The following MAGOHB variants were observed in gnomAD, a reference collection of about 807,000 sequenced individuals.
The protein encoded by MAGOHB is mago homolog B, exon junction complex subunit.
A neutral mutation model predicts 20.9 loss-of-function variants in MAGOHB; 15 were observed. That is an observed-to-expected ratio of 0.72 (90% CI 0.48 to 1.11). The LOEUF (loss-of-function observed/expected upper bound fraction) is 1.11, where lower values mean the gene tolerates loss of function less well. Ranked by LOEUF, MAGOHB falls within the 50% of genes least tolerant of loss-of-function variation. MAGOHB has a pLI of 0.00. For synonymous variants in MAGOHB, 50 were observed against 57.9 expected, an observed-to-expected ratio of 0.86 and a Z score of 0.62; for missense variants, 162 against 177.6, an observed-to-expected ratio of 0.91 and a Z score of 0.50.
downstream of MAGOHB, among the ~76,000 whole-genome samples, chr12:10,603,680 C>CCAGAGATT (rs1367180836): frequency 5.9e-5 from 9 of 152,174 alleles, no homozygotes; most frequent in East Asian, 1.7e-3. Context: ...AAGGTAGATG[C>CCAGAGATT]CAGAGATTTT....
In MAGOHB at chr12:10,610,575, TGC is replaced by T. The variant is rs1456003983; in HGVS notation, c.153+45_153+46del. On this transcript the variant is annotated intron_variant, in intron 2 of 4. Transcript: ENST00000320756. ...ACAGACTTGAAGAAAATGGGCTAAA[TGC>T]AAAAAAAAAAAAAAAAAAAAAAAAG... The T allele has an allele frequency of 1.3e-4, 156 of 1,204,746 alleles. No homozygotes were observed. In the African/African-American group the frequency reaches 4.0e-3, roughly 31 times the overall value. 74.6% of individuals were successfully genotyped at this position (1,204,746 alleles called of 1,614,324 possible).
intron 1 of MAGOHB, among the ~76,000 whole-genome samples, chr12:10,613,192 C>T (rs918946305): frequency 1.3e-5 from 2 of 152,122 alleles, no homozygotes; most frequent in East Asian, 1.9e-4. Flanking sequence ...TCTAGAGTCC[C>T]TTCTGGTGCA....
chr12:10,603,239 C>T (rs536641892), downstream of MAGOHB, among the ~76,000 whole-genome samples: 7 of 150,004 alleles, frequency 4.7e-5, no homozygotes, highest in East Asian at 3.9e-4. Flanking sequence ...GCATGAACCC[C>T]GGAGGCGGAG....
chr12:10,610,454 G>T (rs1000990070), intron 2 of MAGOHB, among the ~76,000 whole-genome samples, 168 bp downstream of exon 2: 34 of 151,894 alleles, frequency 2.2e-4, no homozygotes, highest in African/African-American at 8.0e-4. Context: ...TCCTATGGAT[G>T]CAAACACTGT....
At position 10,609,912 on chromosome 12, in the gene MAGOHB, T is replaced by C; in HGVS notation, c.183A>G (p.Glu61=). The stretch of plus-strand genomic sequence containing the variant: ...CACTGTCATCAATAATTCTCTTCAG[T>C]TCTTCCATTACACTCTTGTGCACAT... ...EAYVHKSVME[E]LKRIIDDSEI... Residue 61 remains glutamate, a synonymous_variant, in exon 3 of 5, where the codon GAA becomes GAG. Transcript: ENST00000320756. 6.2e-7 allele frequency: 1 copy of C among 1,611,190 alleles called. No individual in the cohort carries two copies. The highest frequency in any genetic ancestry group is 1.7e-5 in the Admixed American group (1 of 59,726).
At chr12:10,601,006 C>T (rs891500832), downstream of MAGOHB, among the ~76,000 whole-genome samples, 2 of 152,164 alleles carry the variant, frequency 1.3e-5, no homozygotes, top group Non-Finnish European at 2.9e-5. Flanking sequence ...GGAGTTTGGA[C>T]GCTTCAGGAA....
rs1555146555 is a variant in MAGOHB at position 10,611,771 on chromosome 12, A to AAAAAAAAAAAAAAAG, written c.95-1092_95-1091insCTTTTTTTTTTTTTT. ...TCAAAAAAAAAAAAAAAAAAAAAAA[A>AAAAAAAAAAAAAAAG]AAAAGAAAAGAAACGCGTCTTCGGG... On this transcript the variant is annotated intron_variant, in intron 1 of 4. Coordinates refer to ENST00000320756, the MANE Select transcript of MAGOHB (RefSeq NM_018048.5). Among the ~76,000 whole-genome samples the AAAAAAAAAAAAAAAG allele has an allele frequency of 2.5e-3, 233 of 93,066 alleles. 2 individuals carry two copies. Among genetic ancestry groups the AAAAAAAAAAAAAAAG allele is most frequent in the Non-Finnish European group, 3.8e-3 (181 of 48,062 alleles). The allele number at this position is 93,066 out of a possible 152,430, so 61.1% of individuals were successfully genotyped here. A position where few individuals can be genotyped will look rare whatever the true frequency, so the allele number is the denominator to read the frequency against.
chr12:10,612,576 A>G, intron 1 of MAGOHB: 4 of 762,204 alleles, frequency 5.2e-6, no homozygotes, highest in Non-Finnish European at 6.8e-6. Context: ...TTTATAGTTA[A>G]ATGTCTGTGC....
chr12:10,605,052 A>G lies in MAGOHB; in HGVS notation c.*1223T>C, dbSNP rs556777765. 1.3e-5 allele frequency: 2 copies of G among 152,354 alleles called. No homozygotes were observed. Among genetic ancestry groups the G allele is most frequent in the African/African-American group, 4.8e-5 (2 of 41,588 alleles). The allele number at this position is 152,354 out of a possible 1,614,324, so 9.4% of individuals were successfully genotyped here. A position where few individuals can be genotyped will look rare whatever the true frequency, so the allele number is the denominator to read the frequency against. ...TTACAGTAAAAAAGATGTTAAGTATAGAATCTAGGTAGGGGTAGGCATATA... is the reference window on the plus strand; with the variant it reads ...TTACAGTAAAAAAGATGTTAAGTATGGAATCTAGGTAGGGGTAGGCATATA... On this transcript the variant is annotated 3_prime_UTR_variant, in exon 5 of 5. Coordinates refer to ENST00000320756, the MANE Select transcript of MAGOHB (RefSeq NM_018048.5).
Position 10,612,190 on chromosome 12 carries a change from AATAACATAACATAAC to A in MAGOHB, c.94+1234_94+1248del, listed in dbSNP as rs3059682. Among the ~76,000 whole-genome samples the A allele has an allele frequency of 9.6e-3, 1,358 of 141,432 alleles. 6 individuals are homozygous for A. The highest frequency in any genetic ancestry group is 0.017 in the South Asian group (73 of 4,226). 92.8% of individuals were successfully genotyped at this position (141,432 alleles called of 152,430 possible). A position where few individuals can be genotyped will look rare whatever the true frequency, so the allele number is the denominator to read the frequency against. ...CATGGGGAAACCCATCTCTACAAAA[AATAACATAACATAAC>A]ATAACATAACATAACATAACATAAC... is the stretch of plus-strand genomic sequence containing the variant. On this transcript the variant is annotated intron_variant, in intron 1 of 4. Transcript: ENST00000320756.
chr12:10,606,442 C>G (rs1005294806), intron 4 of MAGOHB, 68 bp from the exon 5 acceptor site: 1 of 761,652 alleles, frequency 1.3e-6, no homozygotes, highest in Middle Eastern at 2.3e-4. Flanking sequence ...ATGCCTAAAA[C>G]AAAACAAATC....
downstream of MAGOHB, among the ~76,000 whole-genome samples, chr12:10,603,343 G>T (rs1413759629): frequency 6.7e-6 from 1 of 149,570 alleles, no homozygotes; most frequent in Non-Finnish European, 1.5e-5. Flanking sequence ...AAAATCTCTA[G>T]CTTGAGATTT....
intron 1 of MAGOHB, chr12:10,612,800 G>C (rs998953464): frequency 1.6e-6 from 2 of 1,286,792 alleles, no homozygotes; most frequent in African/African-American, 3.0e-5. Flanking sequence ...CACACTACTT[G>C]GGTAGCAGTT....
intron 1 of MAGOHB, chr12:10,613,070 AGCCT>A: frequency 1.7e-5 from 11 of 661,898 alleles, no homozygotes; most frequent in Admixed American, 1.7e-4. Context: ...GAAAACACAC[AGCCT>A]AAATGAAAAA....
Position 10,608,015 on chromosome 12 carries a change from C to G in MAGOHB, c.265-79G>C. 1.2e-5 allele frequency: 10 copies of G among 840,480 alleles called. No individual in the cohort carries two copies. In the South Asian group the frequency reaches 1.7e-4, roughly 14 times the overall value. 52.1% of individuals were successfully genotyped at this position (840,480 alleles called of 1,614,324 possible). A position where few individuals can be genotyped will look rare whatever the true frequency, so the allele number is the denominator to read the frequency against. Reference sequence around the variant, plus strand: ...TCTGTATTCTTGCTACAAGCAGATCCCAATTTTAGTTGCAAGTTTTCTAGC... The same window carrying G: ...TCTGTATTCTTGCTACAAGCAGATCGCAATTTTAGTTGCAAGTTTTCTAGC... On this transcript the variant is annotated intron_variant, in intron 3 of 4. Coordinates refer to ENST00000320756, the MANE Select transcript of MAGOHB (RefSeq NM_018048.5).
downstream of MAGOHB, among the ~76,000 whole-genome samples, chr12:10,600,327 G>A (rs1747839971): frequency 6.6e-6 from 1 of 151,030 alleles, no homozygotes; most frequent in Admixed American, 6.6e-5. Flanking sequence ...CATTTATTTA[G>A]GCAATCCCCT....
At chr12:10,609,385 T>C (rs1414997906) in intron 3 of MAGOHB, 2 of 444,662 alleles carry the variant, frequency 4.5e-6, no homozygotes, top group Admixed American at 4.9e-5. Context: ...TCATTTATTC[T>C]GAAGGAATAT....
chr12:10,612,190 A>AAATAACATAAC (rs3842296), intron 1 of MAGOHB, among the ~76,000 whole-genome samples: 1 of 141,340 alleles, frequency 7.1e-6, no homozygotes, highest in African/African-American at 2.7e-5. Context: ...CTCTACAAAA[A>AAATAACATAAC]ATAACATAAC....
Position 10,605,589 on chromosome 12 carries a change from C to T in MAGOHB, c.*686G>A, listed in dbSNP as rs1012154776. 3.9e-5 allele frequency: 6 copies of T among 152,060 alleles called. No homozygotes were observed. The highest frequency in any genetic ancestry group is 1.4e-4 in the African/African-American group (6 of 41,384). 9.4% of individuals were successfully genotyped at this position (152,060 alleles called of 1,614,324 possible). A position where few individuals can be genotyped will look rare whatever the true frequency, so the allele number is the denominator to read the frequency against. ...CATATATGTTTGTCTAAATGTTTAA[C>T]AATTTATAAAGCTGAAAACTCATTT... On this transcript the variant is annotated 3_prime_UTR_variant, in exon 5 of 5. Transcript: ENST00000320756.
Sources: gnomAD v4.1 joint callset for allele counts (sites outside exome capture counted in the v4.1 genomes callset) on GRCh38, gnomAD v4.1.1 for gene constraint, MANE v1.5 for transcripts, NCBI Gene and HGNC (gene_info 2026-07-23, HGNC 2026-07-21) for gene names.